Variants in SMOC1 observed in about 807,000 individuals in gnomAD.
SMOC1 encodes SPARC-related modular calcium-binding protein 1.
SMOC1 carries 22 observed loss-of-function variants against 56.3 expected under a neutral mutation model. That is an observed-to-expected ratio of 0.39 (90% CI 0.28 to 0.56). The LOEUF (loss-of-function observed/expected upper bound fraction) is 0.56, where lower values mean the gene tolerates loss of function less well. SMOC1 is among the 20% of genes least tolerant of loss of function. The probability of loss-of-function intolerance (pLI) is 0.61; values close to 1 mark genes in which losing one functional copy is unlikely to be tolerated. For missense variants in SMOC1, 509 were observed against 565.4 expected, an observed-to-expected ratio of 0.90 and a Z score of 1.01; for synonymous variants, 193 against 215.0, an observed-to-expected ratio of 0.90 and a Z score of 0.89.
chr14:70,019,964 A>C (rs1885650561), intron 10 of SMOC1, among the ~76,000 whole-genome samples: 1 of 152,126 alleles, frequency 6.6e-6, no homozygotes, highest in African/African-American at 2.4e-5. Context: ...TGATTTACAG[A>C]GTTTTTAAAT....
At chr14:69,889,331 G>A (rs1204553321) in intron 1 of SMOC1, among the ~76,000 whole-genome samples, 4 of 152,256 alleles carry the variant, frequency 2.6e-5, no homozygotes, top group Admixed American at 6.5e-5. Flanking sequence ...TTACCTCCAC[G>A]CAGTCCTTCT....
At chr14:70,029,826 G>A (rs1332053553) in intron 11 of SMOC1, among the ~76,000 whole-genome samples, 1 of 152,152 alleles carries the variant, frequency 6.6e-6, no homozygotes, top group African/African-American at 2.4e-5. Context: ...GAGAACTATT[G>A]GGTCAGTGCC....
At chr14:69,907,850 C>G (rs978699630) in intron 1 of SMOC1, among the ~76,000 whole-genome samples, 1 of 152,108 alleles carries the variant, frequency 6.6e-6, no homozygotes, top group African/African-American at 2.4e-5. Flanking sequence ...TTATAGATAA[C>G]CATCTTCTCA....
intron 5 of SMOC1, among the ~76,000 whole-genome samples, chr14:69,986,459 T>C (rs1884368310): frequency 6.6e-6 from 1 of 152,166 alleles, no homozygotes; most frequent in African/African-American, 2.4e-5. Flanking sequence ...TGTCCCGATT[T>C]TGATTTTGTA....
intron 7 of SMOC1, among the ~76,000 whole-genome samples, 167 bp from the exon 8 acceptor site, chr14:70,010,587 G>A (rs1829711544): frequency 6.6e-6 from 1 of 152,232 alleles, no homozygotes; most frequent in African/African-American, 2.4e-5. Context: ...CCCTCAGCAT[G>A]CGCTGGCATG....
At chr14:69,885,703 C>A in intron 1 of SMOC1, 1 of 1,453,052 alleles carries the variant, frequency 6.9e-7, no homozygotes, top group Non-Finnish European at 9.6e-7. Context: ...TGTTCTCCAC[C>A]AAGGTGGTGA....
intron 1 of SMOC1, among the ~76,000 whole-genome samples, chr14:69,904,587 TG>T (rs1352746990): frequency 1.3e-5 from 2 of 152,228 alleles, no homozygotes; most frequent in Non-Finnish European, 2.9e-5. Context: ...CTGGGGTTAC[TG>T]ATCTGTCCTG....
intron 2 of SMOC1, among the ~76,000 whole-genome samples, chr14:69,952,972 G>T (rs868201044): frequency 6.6e-6 from 1 of 152,102 alleles, no homozygotes; most frequent in African/African-American, 2.4e-5. Flanking sequence ...ATTTGAATTT[G>T]TGACCCCGGA....
Position 70,032,133 on chromosome 14 carries a change from C to T in SMOC1, c.*1875C>T, listed in dbSNP as rs1048809014. On this transcript the variant is annotated 3_prime_UTR_variant, in exon 12 of 12. Transcript: ENST00000361956. ...GCCCCAATGAGAGAACTCAACGTGC[C>T]GGAGCTGAGTGGGCCTTGCACGAGA... 5 of 152,314 alleles carry T rather than the reference C, an allele frequency of 3.3e-5. No homozygotes were observed. Among genetic ancestry groups the T allele is most frequent in the Admixed American group, 6.5e-5 (1 of 15,284 alleles). 9.4% of individuals were successfully genotyped at this position (152,314 alleles called of 1,614,324 possible).
intron 10 of SMOC1, among the ~76,000 whole-genome samples, chr14:70,015,117 T>A (rs1885462818): frequency 6.6e-6 from 1 of 152,184 alleles, no homozygotes; most frequent in African/African-American, 2.4e-5. Context: ...TACAGTGGAG[T>A]AATATTCAGT....
At chr14:70,011,651 T>C in intron 9 of SMOC1, 84 bp downstream of exon 9, 1 of 1,303,950 alleles carries the variant, frequency 7.7e-7, no homozygotes. Flanking sequence ...CTGTCTCCTC[T>C]TTGTCTGTTT....
At chr14:69,976,582 C>T (rs1367705320) in intron 4 of SMOC1, among the ~76,000 whole-genome samples, 1 of 152,112 alleles carries the variant, frequency 6.6e-6, no homozygotes. Flanking sequence ...CTTTTTAGGT[C>T]CATTTCATGG....
At chr14:69,919,336 C>A (rs574291021) in intron 1 of SMOC1, among the ~76,000 whole-genome samples, 1 of 152,182 alleles carries the variant, frequency 6.6e-6, no homozygotes, top group East Asian at 1.9e-4. Flanking sequence ...GATTTAGACT[C>A]TACCTTTCCA....
At chr14:69,880,328 C>G (rs1489729012) in intron 1 of SMOC1, among the ~76,000 whole-genome samples, 4 of 152,106 alleles carry the variant, frequency 2.6e-5, no homozygotes, top group African/African-American at 4.8e-5. Flanking sequence ...CGGGCAGGCA[C>G]TGGAAGAGGG....
Position 70,031,144 on chromosome 14 carries a change from T to G in SMOC1, c.*886T>G, listed in dbSNP as rs1461646506. On this transcript the variant is annotated 3_prime_UTR_variant, in exon 12 of 12. Coordinates refer to ENST00000361956, the MANE Select transcript of SMOC1 (RefSeq NM_001034852.3). ...TCATCCATGCTTAGCATCTACTCTG[T>G]ATAACGCATGAGAGGGGAGGCAAAG... 1 of 152,102 alleles carries G rather than the reference T, an allele frequency of 6.6e-6. No homozygotes were observed. Among genetic ancestry groups the G allele is most frequent in the Non-Finnish European group, 1.5e-5 (1 of 68,050 alleles). The allele number at this position is 152,102 out of a possible 1,614,324, so 9.4% of individuals were successfully genotyped here. A position where few individuals can be genotyped will look rare whatever the true frequency, so the allele number is the denominator to read the frequency against.
intron 1 of SMOC1, chr14:69,886,149 G>A: frequency 7.2e-7 from 1 of 1,380,264 alleles, no homozygotes; most frequent in Admixed American, 1.7e-5. Context: ...ATCTTGGGCA[G>A]CGGGAGGAGA....
intron 5 of SMOC1, among the ~76,000 whole-genome samples, chr14:69,984,124 G>C (rs1255577304): frequency 1.3e-5 from 2 of 152,198 alleles, no homozygotes; most frequent in Admixed American, 1.3e-4. Flanking sequence ...TGGAGTAACA[G>C]ATGCATGAAT....
At chr14:69,899,974 A>G (rs961912136) in intron 1 of SMOC1, among the ~76,000 whole-genome samples, 1 of 152,168 alleles carries the variant, frequency 6.6e-6, no homozygotes, top group Non-Finnish European at 1.5e-5. Flanking sequence ...GTTGATTTTC[A>G]GTTTGTTCAG....
intron 1 of SMOC1, among the ~76,000 whole-genome samples, chr14:69,936,573 C>T (rs1046130855): frequency 2.6e-5 from 4 of 152,240 alleles, no homozygotes; most frequent in African/African-American, 9.6e-5. Context: ...TCTGGGCAAG[C>T]TTCGCTCAGT....
Sources: allele counts gnomAD v4.1 joint callset (sites outside exome capture counted in the v4.1 genomes callset), GRCh38; gene constraint gnomAD v4.1.1; transcripts MANE v1.5; gene names NCBI Gene and HGNC (gene_info 2026-07-23, HGNC 2026-07-21).